Variants in CCDC171 observed in about 807,000 individuals in gnomAD.
The protein encoded by CCDC171 is coiled-coil domain-containing protein 171.
CCDC171 carries 177 observed loss-of-function variants against 168.2 expected under a neutral mutation model. That is an observed-to-expected ratio of 1.05 (90% CI 0.93 to 1.19). The LOEUF (loss-of-function observed/expected upper bound fraction) is 1.19. CCDC171 is among the 50% of genes most tolerant of loss of function. CCDC171 has a pLI of 0.00. For synonymous variants in CCDC171, 687 were observed against 540.8 expected, an observed-to-expected ratio of 1.27 and a Z score of -3.75; for missense variants, 1,991 against 1,539.0, an observed-to-expected ratio of 1.29 and a Z score of -4.91.
intron 7 of CCDC171, among the ~76,000 whole-genome samples, chr9:15,639,745 C>T (rs1490391516): frequency 6.6e-6 from 1 of 152,118 alleles, no homozygotes; most frequent in Admixed American, 6.5e-5. Context: ...ATGACTGGCA[C>T]AGAGAACTCT....
the CCDC171 span, among the ~76,000 whole-genome samples, chr9:16,081,706 A>G: frequency 3.3e-5 from 5 of 152,070 alleles, no homozygotes; most frequent in African/African-American, 1.2e-4. Flanking sequence ...ATCTTAATTG[A>G]CACAGAACCT....
chr9:15,916,127 A>G (rs890285281), intron 24 of CCDC171, among the ~76,000 whole-genome samples: 6 of 151,878 alleles, frequency 4.0e-5, no homozygotes, highest in Non-Finnish European at 8.8e-5. Flanking sequence ...AATATTTTAT[A>G]TTTAAAATAT....
At chr9:15,770,239 A>G (rs1297045621) in intron 18 of CCDC171, among the ~76,000 whole-genome samples, 2 of 152,214 alleles carry the variant, frequency 1.3e-5, no homozygotes, top group Non-Finnish European at 2.9e-5. Context: ...AGACCACCCA[A>G]AAAGTTCAAT....
At position 15,560,046 on chromosome 9, in the gene CCDC171, G is replaced by C. The variant is rs149068019; in HGVS notation, c.-111-3932G>C. Among the ~76,000 whole-genome samples the C allele has an allele frequency of 8.0e-3, 1,219 of 152,256 alleles. 11 individuals carry two copies. Among genetic ancestry groups the C allele is most frequent in the African/African-American group, 0.027 (1,128 of 41,556 alleles). ...GTTGAAAATTCTTTTCTTTAAGAAT[G>C]TTGAATATTGGCCCTCACTCTCTTC... On this transcript the variant is annotated intron_variant, in intron 1 of 25. Transcript: ENST00000380701.
intron 6 of CCDC171, among the ~76,000 whole-genome samples, chr9:16,026,481 C>T (rs1047232273): frequency 6.6e-6 from 1 of 152,120 alleles, no homozygotes; most frequent in Non-Finnish European, 1.5e-5. Context: ...TCCTTTGTTG[C>T]CCTGCGTCTC....
intron 11 of CCDC171, among the ~76,000 whole-genome samples, chr9:15,708,832 A>C (rs1016359889): frequency 2.6e-5 from 4 of 152,176 alleles, no homozygotes; most frequent in Non-Finnish European, 5.9e-5. Flanking sequence ...AACTGTGTAC[A>C]CTCATGTAGC....
At chr9:15,795,515 A>G (rs2058506660) in intron 21 of CCDC171, among the ~76,000 whole-genome samples, 1 of 152,224 alleles carries the variant, frequency 6.6e-6, no homozygotes, top group Non-Finnish European at 1.5e-5. Flanking sequence ...AGAAATAAAG[A>G]GGACCAAAAC....
intron 7 of CCDC171, among the ~76,000 whole-genome samples, chr9:15,631,788 T>C (rs945637070): frequency 2.0e-5 from 3 of 152,244 alleles, no homozygotes; most frequent in African/African-American, 4.8e-5. Flanking sequence ...ACTGGCAAAC[T>C]GAATCCAGCA....
At chr9:15,684,225 A>G (rs759085180) in intron 10 of CCDC171, among the ~76,000 whole-genome samples, 2 of 152,144 alleles carry the variant, frequency 1.3e-5, no homozygotes, top group Non-Finnish European at 2.9e-5. Context: ...TAATTGCTTA[A>G]CATATATTTA....
intron 25 of CCDC171, among the ~76,000 whole-genome samples, chr9:15,931,327 C>G (rs994894252): frequency 6.6e-6 from 1 of 151,594 alleles, no homozygotes; most frequent in African/African-American, 2.4e-5. Context: ...ATTTGCATTT[C>G]CCTGATGATT....
At chr9:15,630,023 G>C in intron 7 of CCDC171, among the ~76,000 whole-genome samples, 1 of 152,172 alleles carries the variant, frequency 6.6e-6, no homozygotes, top group East Asian at 1.9e-4. Flanking sequence ...AGCTCCTGAA[G>C]GAAGCACTAA....
intron 3 of CCDC171, among the ~76,000 whole-genome samples, chr9:15,990,025 C>T (rs1465445669): frequency 6.6e-6 from 1 of 152,162 alleles, no homozygotes; most frequent in African/African-American, 2.4e-5. Context: ...TCCAGGAGAA[C>T]TTCCCCAACC....
intron 24 of CCDC171, among the ~76,000 whole-genome samples, chr9:15,910,778 T>G (rs564789149): frequency 5.9e-5 from 9 of 152,082 alleles, no homozygotes; most frequent in African/African-American, 2.2e-4. Flanking sequence ...CTCCCACTTA[T>G]GAGTGAGAAA....
At chr9:15,718,385 A>C (rs1430364403) in intron 11 of CCDC171, among the ~76,000 whole-genome samples, 1 of 152,242 alleles carries the variant, frequency 6.6e-6, no homozygotes, top group Non-Finnish European at 1.5e-5. Flanking sequence ...GGATCTTCCC[A>C]GGACCTGGGG....
chr9:15,784,428 A>T, intron 20 of CCDC171, 81 bp from the exon 21 acceptor site: 2 of 836,576 alleles, frequency 2.4e-6, no homozygotes, highest in Non-Finnish European at 3.6e-6. Flanking sequence ...TTTGTATTAT[A>T]TTCCTTTAGT....
At chr9:16,067,755 C>G in the CCDC171 span, among the ~76,000 whole-genome samples, 1 of 152,152 alleles carries the variant, frequency 6.6e-6, no homozygotes, top group South Asian at 2.1e-4. Context: ...TCAGGTTTGT[C>G]AAAGATCAGA....
At chr9:15,814,357 C>T (rs961800772) in intron 21 of CCDC171, among the ~76,000 whole-genome samples, 1 of 152,034 alleles carries the variant, frequency 6.6e-6, no homozygotes, top group African/African-American at 2.4e-5. Context: ...GATTTTGGCC[C>T]ATAGATAATA....
chr9:15,657,304 G>A (rs1272137685), intron 8 of CCDC171, 85 bp downstream of exon 8: 8 of 751,000 alleles, frequency 1.1e-5, no homozygotes, highest in Non-Finnish European at 1.8e-5. Context: ...TTCAGAGAAC[G>A]AAGGTGTGCA....
In CCDC171 at chr9:15,560,877, T is replaced by C. The variant is rs1468709854; in HGVS notation, c.-111-3101T>C. Reference sequence around the variant, plus strand: ...CCATCTTTGTGGTTTTATCTACCTTTGGTCTTTGTTGATGGTGACATACAG... The same window carrying C: ...CCATCTTTGTGGTTTTATCTACCTTCGGTCTTTGTTGATGGTGACATACAG... On this transcript the variant is annotated intron_variant, in intron 1 of 25. Coordinates refer to ENST00000380701, the MANE Select transcript of CCDC171 (RefSeq NM_173550.4). Among the ~76,000 whole-genome samples, 2 of 152,180 alleles carry C rather than the reference T, an allele frequency of 1.3e-5. 1 individual carries two copies. The highest frequency in any genetic ancestry group is 2.9e-5 in the Non-Finnish European group (2 of 68,014).
Sources: allele counts gnomAD v4.1 joint callset (sites outside exome capture counted in the v4.1 genomes callset), GRCh38; gene constraint gnomAD v4.1.1; transcripts MANE v1.5; gene names NCBI Gene and HGNC (gene_info 2026-07-23, HGNC 2026-07-21).